DNAH12: variants seen among roughly 807,000 people sequenced by gnomAD.
DNAH12 encodes axonemal beta dynein heavy chain 12.
In DNAH12, 285 loss-of-function variants were observed where a neutral mutation model predicts 371.5. That is an observed-to-expected ratio of 0.77 (90% confidence interval 0.70 to 0.85). The LOEUF (loss-of-function observed/expected upper bound fraction) is 0.85, where lower values mean the gene tolerates loss of function less well. Among genes scored for constraint, DNAH12 ranks in the 40% least tolerant of loss-of-function variants. The pLI, the probability that DNAH12 is intolerant of heterozygous loss-of-function variation, is 0.00. For missense variants in DNAH12, 3,611 were observed against 3,689.4 expected, an observed-to-expected ratio of 0.98 and a Z score of 0.55; for synonymous variants, 1,200 against 1,213.0, an observed-to-expected ratio of 0.99 and a Z score of 0.22.
intron 60 of DNAH12, among the ~76,000 whole-genome samples, chr3:57,347,032 T>C (rs1272821052): frequency 6.6e-6 from 1 of 152,160 alleles, no homozygotes; most frequent in African/African-American, 2.4e-5. Flanking sequence ...ATTCTAAACA[T>C]ATAATTAAAC....
chr3:57,472,818 A>G (rs1029558074), intron 13 of DNAH12, 147 bp from the exon 14 acceptor site: 19 of 803,032 alleles, frequency 2.4e-5, no homozygotes, highest in South Asian at 8.7e-5. Context: ...CACCCAAACC[A>G]GATGGGTATT....
At chr3:57,395,864 G>A (rs2063725851) in intron 43 of DNAH12, among the ~76,000 whole-genome samples, 1 of 151,920 alleles carries the variant, frequency 6.6e-6, no homozygotes, top group Non-Finnish European at 1.5e-5. Context: ...GGGTGAGGTG[G>A]GAGGATTGCT....
At chr3:57,497,175 T>C (rs2067352370) in intron 11 of DNAH12, among the ~76,000 whole-genome samples, 1 of 152,218 alleles carries the variant, frequency 6.6e-6, no homozygotes, top group African/African-American at 2.4e-5. Context: ...CTTTCCAAAT[T>C]GATTCAGAGA....
In DNAH12 at chr3:57,468,788, T is replaced by C. The variant is rs145104897; in HGVS notation, c.2297A>G (p.Asn766Ser). Residue 766 changes from asparagine to serine, a missense_variant, in exon 17 of 74, where the codon AAT becomes AGT. Transcript: ENST00000495027. ...EEKIEEEPKD[N>S]ATITMCSTVM... The stretch of plus-strand genomic sequence containing the variant: ...TGTACTGCACATAGTAATAGTAGCA[T>C]TGTCTTTTGGTTCTTCTTCAATTTT... The C allele has an allele frequency of 2.3e-4, 356 of 1,531,260 alleles. 3 individuals are homozygous for C. In the East Asian group the frequency reaches 8.6e-3, roughly 37 times the overall value. 94.9% of individuals were successfully genotyped at this position (1,531,260 alleles called of 1,614,324 possible).
intron 29 of DNAH12, among the ~76,000 whole-genome samples, chr3:57,437,271 A>G (rs2065157994): frequency 6.6e-6 from 1 of 152,228 alleles, no homozygotes; most frequent in African/African-American, 2.4e-5. Flanking sequence ...TAAGTTATGA[A>G]TGATCATAGC....
At chr3:57,445,904 C>T in intron 27 of DNAH12, 127 bp downstream of exon 27, 1 of 854,562 alleles carries the variant, frequency 1.2e-6, no homozygotes, top group Non-Finnish European at 1.7e-6. Flanking sequence ...AAGAGAATCG[C>T]TTGAACCCGG....
chr3:57,424,330 G>T lies in DNAH12; in HGVS notation c.5373+692C>A, dbSNP rs189564556. Among the ~76,000 whole-genome samples the T allele has an allele frequency of 2.3e-4, 35 of 150,970 alleles. 1 individual carries two copies. In the South Asian group the frequency reaches 7.4e-3, roughly 32 times the overall value. On this transcript the variant is annotated intron_variant, in intron 35 of 73. Coordinates refer to ENST00000495027, the MANE Select transcript of DNAH12 (RefSeq NM_001366028.2). ...ACTAAAGATAAAAAAAATTAGCTCA[G>T]TGTGGCAGTGCGCACCTGTAATCCC...
chr3:57,424,242 G>A (rs527869484), intron 35 of DNAH12, among the ~76,000 whole-genome samples: 2 of 151,756 alleles, frequency 1.3e-5, no homozygotes, highest in South Asian at 4.2e-4. Context: ...GACCGAGGTG[G>A]GCGAATCACC....
chr3:57,404,252 T>C (rs1017239219), intron 42 of DNAH12, among the ~76,000 whole-genome samples: 11 of 152,078 alleles, frequency 7.2e-5, no homozygotes, highest in African/African-American at 2.4e-4. Flanking sequence ...TATAATAGAA[T>C]GCAATATAGT....
intron 60 of DNAH12, among the ~76,000 whole-genome samples, chr3:57,350,034 A>C (rs1553659608): frequency 6.6e-6 from 1 of 152,168 alleles, no homozygotes; most frequent in East Asian, 1.9e-4. Context: ...CACTTACTGT[A>C]ATGTAAAAGC....
chr3:57,316,406 T>C (rs2061686975), intron 65 of DNAH12, among the ~76,000 whole-genome samples: 1 of 152,194 alleles, frequency 6.6e-6, no homozygotes, highest in African/African-American at 2.4e-5. Context: ...CTTGTCATAA[T>C]AGTTGTGCAT....
chr3:57,504,077 G>A lies in DNAH12; in HGVS notation c.1025C>T (p.Thr342Ile). The A allele has an allele frequency of 6.2e-7, 1 of 1,613,902 alleles. No homozygotes were observed. The highest frequency in any genetic ancestry group is 1.1e-5 in the South Asian group (1 of 91,068). Residue 342 changes from threonine to isoleucine, a missense_variant, in exon 9 of 74, where the codon ACC (threonine) becomes ATC (isoleucine). By Grantham distance (89) the Thr-to-Ile change is moderately conservative. Around this residue, in one of 3 missense-constraint regions of DNAH12, gnomAD observed 1,314 missense variants for 1,398.7 expected, o/e 0.94. Coordinates refer to ENST00000495027, the MANE Select transcript of DNAH12 (RefSeq NM_001366028.2). ...FDDDKMEFYP[T>I]FQDLEDNVLS... is the part of the protein sequence containing the mutation. ...GACATTATCTTCCAAATCTTGAAAG[G>A]TAGGATAAAATTCCATTTTGTCGTC... is the stretch of plus-strand genomic sequence containing the variant.
chr3:57,366,738 GCAA>G lies in DNAH12; in HGVS notation c.9155_9157del (p.Val3052del), dbSNP rs1275525397. On this transcript the variant is annotated inframe_deletion, in exon 57 of 74. Transcript: ENST00000495027. ...CTAAGAAAATACATACCTCTCCTTT[GCAA>G]CAACAATACCTAGTAATTGATCTTC... 6.6e-6 allele frequency: 1 copy of G among 152,056 alleles called. No homozygotes were observed. Among genetic ancestry groups the G allele is most frequent in the Non-Finnish European group, 1.5e-5 (1 of 68,026 alleles). The allele number at this position is 152,056 out of a possible 1,614,324, so 9.4% of individuals were successfully genotyped here. A position where few individuals can be genotyped will look rare whatever the true frequency, so the allele number is the denominator to read the frequency against.
rs184639053 is a variant in DNAH12, at chr3:57,535,747, G to A, written c.170+6954C>T. On this transcript the variant is annotated intron_variant, in intron 2 of 73. Transcript: ENST00000495027. ...AGTAGAGATGGGGTTTCTCCATGTC[G>A]GTCAGGCTGGTCTCGAACTCCCAAC... Among the ~76,000 whole-genome samples, 110 of 151,634 alleles carry A rather than the reference G, an allele frequency of 7.3e-4. 1 individual carries two copies. The South Asian group carries it at 0.022, about 30-fold the overall frequency.
chr3:57,500,419 T>G (rs1434959890), intron 11 of DNAH12, among the ~76,000 whole-genome samples: 3 of 152,212 alleles, frequency 2.0e-5, no homozygotes, highest in African/African-American at 7.2e-5. Flanking sequence ...TACAAACTCT[T>G]GAGCAAAGAT....
intron 60 of DNAH12, among the ~76,000 whole-genome samples, chr3:57,350,971 A>T (rs2062658023): frequency 6.6e-6 from 1 of 152,100 alleles, no homozygotes; most frequent in Admixed American, 6.6e-5. Context: ...TTTAACAACA[A>T]TATAAAACGT....
rs2061215279 is a variant in DNAH12, at chr3:57,295,538, T to C, written c.11679A>G (p.Ile3893Met). ...GAGAATATTTACTTGGTTTTATCCA[T>C]ATGATGGGCATCAGGTCAAACAGAA... ...PKLLFDLMPI[I>M]WIKPTQKSRI... Residue 3893 changes from isoleucine (I) to methionine (M), a missense_variant, in exon 73 of 74, where the codon ATA becomes ATG. By Grantham distance (10) the Ile-to-Met change is conservative. Around this residue, in one of 3 missense-constraint regions of DNAH12, gnomAD observed 2,266 missense variants for 2,236.9 expected, o/e 1.01. Transcript: ENST00000495027. 1.9e-6 allele frequency: 3 copies of C among 1,547,304 alleles called. No individual in the cohort carries two copies. The highest frequency in any genetic ancestry group is 1.4e-5 in the African/African-American group (1 of 72,948).
chr3:57,360,596 A>G (rs2062903590), intron 58 of DNAH12, among the ~76,000 whole-genome samples: 2 of 152,018 alleles, frequency 1.3e-5, no homozygotes, highest in African/African-American at 2.4e-5. Flanking sequence ...GCTGAGGCAG[A>G]AGAATCGCTT....
chr3:57,415,207 A>T (rs1332024279), intron 38 of DNAH12, among the ~76,000 whole-genome samples: 4 of 149,966 alleles, frequency 2.7e-5, no homozygotes, highest in Non-Finnish European at 4.5e-5. Context: ...TCTCAGGCTT[A>T]AAAAAAAAAC....
Sources: allele counts gnomAD v4.1 joint callset (sites outside exome capture counted in the v4.1 genomes callset), GRCh38; gene constraint gnomAD v4.1.1; regional missense constraint gnomAD v4.1.1; transcripts MANE v1.5; gene names NCBI Gene and HGNC (gene_info 2026-07-23, HGNC 2026-07-21).